Variants in UBE2K observed in about 807,000 individuals in gnomAD.
UBE2K encodes ubiquitin conjugating enzyme E2 K, also known as ubiquitin-conjugating enzyme E2 K.
Under a neutral mutation model 30.0 loss-of-function variants are expected in UBE2K, and 6 were observed. The observed-to-expected ratio is 0.20, with a 90% confidence interval of 0.11 to 0.39. The LOEUF is 0.39. UBE2K is among the 10% of genes least tolerant of loss of function. The pLI is 1.00. For missense variants in UBE2K, 61 were observed against 241.6 expected (o/e 0.25, Z 4.96); for synonymous variants, 86 against 83.7 (o/e 1.03, Z -0.15).
intron 1 of UBE2K, among the ~76,000 whole-genome samples, chr4:39,731,420 C>T (rs1276768015): frequency 6.6e-6 from 1 of 152,076 alleles, no homozygotes; most frequent in Non-Finnish European, 1.5e-5. Flanking sequence ...TGGCTCACAC[C>T]TGTAATCCCA....
At chr4:39,755,850 C>A in intron 4 of UBE2K, 111 bp downstream of exon 4, 1 of 691,594 alleles carries the variant, frequency 1.4e-6, no homozygotes, top group Non-Finnish European at 2.2e-6. Flanking sequence ...CTTGTTTGGG[C>A]AGTAACTTTA....
intron 3 of UBE2K, among the ~76,000 whole-genome samples, chr4:39,748,919 G>A (rs1216493729): frequency 1.3e-5 from 2 of 152,178 alleles, no homozygotes; most frequent in Non-Finnish European, 2.9e-5. Context: ...TGTTCTAGAT[G>A]TATACTACGT....
At chr4:39,701,760 GT>G (rs200854243) in intron 1 of UBE2K, among the ~76,000 whole-genome samples, 2,156 of 144,594 alleles carry the variant, frequency 0.015, 20 homozygotes, top group Middle Eastern at 0.043. Flanking sequence ...TTTCTTTCAT[GT>G]TTTTTTTTTT....
rs1719300584 is a variant in UBE2K, at chr4:39,719,475, A to G, written c.64-17945A>G. 5.9e-5 allele frequency among the ~76,000 whole-genome samples: 9 copies of G among 152,308 alleles called. No individual in the cohort carries two copies. The South Asian group carries it at 1.7e-3, about 28-fold the overall frequency. On this transcript the variant is annotated intron_variant, in intron 1 of 6. Transcript: ENST00000261427. Reference sequence around the variant, plus strand: ...CCTTAGTAATTTAAAGCACACCAAAAAAGTCTTTGATAGGTATCTAATTTT... The same window carrying G: ...CCTTAGTAATTTAAAGCACACCAAAGAAGTCTTTGATAGGTATCTAATTTT...
chr4:39,775,239 TC>T (rs1383358355), intron 5 of UBE2K, among the ~76,000 whole-genome samples: 1 of 152,234 alleles, frequency 6.6e-6, no homozygotes, highest in Admixed American at 6.5e-5. Context: ...CGTGTATGTG[TC>T]CATCTTTTTA....
chr4:39,774,687 T>C (rs1001887552), intron 4 of UBE2K, 147 bp from the exon 5 acceptor site: 1 of 415,254 alleles, frequency 2.4e-6, no homozygotes, highest in Non-Finnish European at 4.2e-6. Context: ...GATACATAAT[T>C]ATAAATGTCT....
chr4:39,724,321 G>T (rs1719606240), intron 1 of UBE2K, among the ~76,000 whole-genome samples: 1 of 151,334 alleles, frequency 6.6e-6, no homozygotes, highest in South Asian at 2.1e-4. Flanking sequence ...TGTTGACTAG[G>T]CTAGTCTCAA....
intron 1 of UBE2K, among the ~76,000 whole-genome samples, chr4:39,701,988 T>G (rs1013710916): frequency 2.6e-5 from 4 of 151,774 alleles, no homozygotes; most frequent in African/African-American, 7.3e-5. Flanking sequence ...CTTGAACTCC[T>G]AACTTCAAGT....
At chr4:39,703,302 A>C (rs995779049) in intron 1 of UBE2K, among the ~76,000 whole-genome samples, 1 of 152,016 alleles carries the variant, frequency 6.6e-6, no homozygotes, top group South Asian at 2.1e-4. Context: ...GATTGAGGCC[A>C]GGAGTTCAAG....
intron 4 of UBE2K, among the ~76,000 whole-genome samples, chr4:39,772,781 G>C (rs1294039108): frequency 6.6e-6 from 1 of 150,444 alleles, no homozygotes; most frequent in African/African-American, 2.5e-5. Context: ...TCCGCCTCCC[G>C]AGCTCAAGCG....
chr4:39,712,561 A>T (rs897787772), intron 1 of UBE2K, among the ~76,000 whole-genome samples: 1 of 151,584 alleles, frequency 6.6e-6, no homozygotes, highest in Admixed American at 6.6e-5. Context: ...TCCTGAGATT[A>T]TAGACGCATG....
chr4:39,777,637 A>G (rs762718480), intron 5 of UBE2K, 45 bp from the exon 6 acceptor site: 21 of 1,474,670 alleles, frequency 1.4e-5, no homozygotes, highest in Non-Finnish European at 1.8e-5. Context: ...TATATCAAAT[A>G]TTATAACTGT....
intron 1 of UBE2K, among the ~76,000 whole-genome samples, chr4:39,714,045 G>A (rs2109316059): frequency 6.6e-6 from 1 of 152,146 alleles, no homozygotes; most frequent in Non-Finnish European, 1.5e-5. Context: ...ACACCACCAT[G>A]CCTGACTAAT....
At chr4:39,774,970 T>C (rs1245100355) in intron 5 of UBE2K, 37 bp downstream of exon 5, 3 of 1,428,390 alleles carry the variant, frequency 2.1e-6, no homozygotes, top group South Asian at 1.2e-5. Flanking sequence ...TCTTATATTA[T>C]GTATGAGTCT....
intron 1 of UBE2K, among the ~76,000 whole-genome samples, chr4:39,715,298 G>A (rs1718996524): frequency 6.6e-6 from 1 of 151,862 alleles, no homozygotes; most frequent in South Asian, 2.1e-4. Context: ...AAAGTGCTGG[G>A]ATTACAGACG....
At chr4:39,699,506 T>G (rs1717890401) in intron 1 of UBE2K, among the ~76,000 whole-genome samples, 1 of 152,226 alleles carries the variant, frequency 6.6e-6, no homozygotes, top group Non-Finnish European at 1.5e-5. Context: ...GCTCTAGTAA[T>G]TTGACTCAAA....
At chr4:39,725,972 T>A (rs1353479096) in intron 1 of UBE2K, among the ~76,000 whole-genome samples, 1 of 152,076 alleles carries the variant, frequency 6.6e-6, no homozygotes, top group Non-Finnish European at 1.5e-5. Flanking sequence ...TGTAAATATT[T>A]GGGTTTTTAA....
intron 1 of UBE2K, among the ~76,000 whole-genome samples, chr4:39,724,769 CAAA>C (rs781226641): frequency 2.1e-5 from 2 of 97,292 alleles, no homozygotes. Context: ...GACCCTGTTT[CAAA>C]AAAAAAAAAA....
rs1281563588 is a variant in UBE2K at position 39,770,232 on chromosome 4, G to A, written c.300-4602G>A. On this transcript the variant is annotated intron_variant, in intron 4 of 6. Coordinates refer to ENST00000261427, the MANE Select transcript of UBE2K (RefSeq NM_005339.5). ...GGAGCAGCGGTAGGGCTGCGCTCCC[G>A]AGTGCAGGTTGAGGTGGTCGTGCAG... 7.1e-5 allele frequency: 115 copies of A among 1,611,798 alleles called. 1 individual carries two copies. In the East Asian group the frequency reaches 2.5e-3, roughly 35 times the overall value.
Sources: allele counts gnomAD v4.1 joint callset (sites outside exome capture counted in the v4.1 genomes callset), GRCh38; gene constraint gnomAD v4.1.1; transcripts MANE v1.5; gene names NCBI Gene and HGNC (gene_info 2026-07-23, HGNC 2026-07-21).